DAB2: variants seen among roughly 807,000 people sequenced by gnomAD.
The protein encoded by DAB2 is DAB adaptor protein 2, also known as disabled homolog 2.
A neutral mutation model predicts 71.6 loss-of-function variants in DAB2; 28 were observed. The ratio of observed to expected loss-of-function variants is 0.39; its 90% CI spans 0.29 to 0.54. The LOEUF (loss-of-function observed/expected upper bound fraction) is 0.54. Among genes scored for constraint, DAB2 ranks in the 20% least tolerant of loss-of-function variants. The pLI, the probability that DAB2 is intolerant of heterozygous loss-of-function variation, is 0.68. For missense variants in DAB2, 867 were observed against 928.8 expected (o/e 0.93, Z 0.86); for synonymous variants, 345 against 339.7 (o/e 1.02, Z -0.17).
intron 9 of DAB2, among the ~76,000 whole-genome samples, chr5:39,384,163 C>A (rs1295202265): frequency 6.6e-6 from 1 of 152,210 alleles, no homozygotes; most frequent in Admixed American, 6.5e-5. Flanking sequence ...AGTCAACCAA[C>A]AACTGATCTT....
At chr5:39,397,355 C>A (rs941749348) in intron 1 of DAB2, among the ~76,000 whole-genome samples, 3 of 152,164 alleles carry the variant, frequency 2.0e-5, no homozygotes, top group East Asian at 1.9e-4. Flanking sequence ...CACCATGAGA[C>A]CCCCTCCTGC....
chr5:39,407,502 A>G (rs1189038882), intron 1 of DAB2, among the ~76,000 whole-genome samples: 1 of 152,202 alleles, frequency 6.6e-6, no homozygotes, highest in Non-Finnish European at 1.5e-5. Context: ...TGCCCGGCCC[A>G]CCATGCTAGT....
At chr5:39,424,662 C>CT (rs1579933587) in intron 1 of DAB2, 142 bp downstream of exon 1, 2 of 142,546 alleles carry the variant, frequency 1.4e-5, no homozygotes, top group East Asian at 4.5e-4. Flanking sequence ...GGTCTCATTT[C>CT]TAAGATTCCC....
intron 10 of DAB2, among the ~76,000 whole-genome samples, chr5:39,382,016 T>C (rs932629233): frequency 7.9e-5 from 12 of 152,236 alleles, no homozygotes; most frequent in African/African-American, 2.2e-4. Context: ...ATAGAGATCA[T>C]AGGGTCTTAA....
intron 1 of DAB2, among the ~76,000 whole-genome samples, chr5:39,403,304 T>C (rs1755542013): frequency 6.6e-6 from 1 of 152,176 alleles, no homozygotes; most frequent in East Asian, 1.9e-4. Context: ...AGATCTAGCA[T>C]GAGACTGTAA....
chr5:39,374,772 A>G, intron 14 of DAB2: 2 of 416,512 alleles, frequency 4.8e-6, no homozygotes. Flanking sequence ...AACATGGAAT[A>G]AGATAAAAAT....
chr5:39,417,606 C>G (rs1755878068), intron 1 of DAB2: 1 of 152,232 alleles, frequency 6.6e-6, no homozygotes, highest in East Asian at 1.9e-4. Flanking sequence ...CTCTGTACCA[C>G]TTAACTACAA....
chr5:39,420,866 AG>A (rs1329141863), intron 1 of DAB2, among the ~76,000 whole-genome samples: 1 of 152,150 alleles, frequency 6.6e-6, no homozygotes, highest in East Asian at 1.9e-4. Context: ...GGATGCGGGA[AG>A]GGGAGTAACC....
chr5:39,413,477 A>G (rs1286929644), intron 1 of DAB2, among the ~76,000 whole-genome samples: 1 of 152,218 alleles, frequency 6.6e-6, no homozygotes, highest in African/African-American at 2.4e-5. Flanking sequence ...AATGTATATG[A>G]AGTGGAATGA....
At chr5:39,405,231 A>G (rs994665540) in intron 1 of DAB2, among the ~76,000 whole-genome samples, 10 of 152,190 alleles carry the variant, frequency 6.6e-5, no homozygotes, top group African/African-American at 2.2e-4. Context: ...ATCACGTGGA[A>G]TTTTTGTGAA....
chr5:39,409,665 C>G (rs1470834281), intron 1 of DAB2, among the ~76,000 whole-genome samples: 2 of 152,156 alleles, frequency 1.3e-5, no homozygotes. Flanking sequence ...AGACATCTAT[C>G]TTTGGGATCA....
In DAB2 at chr5:39,390,437, A is replaced by C; in HGVS notation, c.462+7T>G. On this transcript the variant is annotated splice_region_variant and intron_variant, in intron 5 of 14. Coordinates refer to ENST00000320816, the MANE Select transcript of DAB2 (RefSeq NM_001343.4). ...TCCCCAGGTCTATGTCAAGACTTAGAGCTCACCTGTTGCCCGGTTTTTATG... is the reference window on the plus strand; with the variant it reads ...TCCCCAGGTCTATGTCAAGACTTAGCGCTCACCTGTTGCCCGGTTTTTATG... 1 of 1,613,840 alleles carries C rather than the reference A, an allele frequency of 6.2e-7. No homozygotes were observed. Among genetic ancestry groups the C allele is most frequent in the South Asian group, 1.1e-5 (1 of 91,040 alleles).
Position 39,376,984 on chromosome 5 carries a change from A to G in DAB2, c.1803T>C (p.Ala601=), listed in dbSNP as rs748465927. ...GNPFQSNIFP[A]PAVSTQPPSM... ...ATGGGGGCTGAGTGGACACAGCAGG[A>G]GCTGGAAAAATATTGCTCTGAAAAG... The change falls in exon 12 of 15, where the codon GCT becomes GCC. Residue 601 remains alanine, a synonymous_variant. Coordinates refer to ENST00000320816, the MANE Select transcript of DAB2 (RefSeq NM_001343.4). 4 of 1,614,044 alleles carry G rather than the reference A, an allele frequency of 2.5e-6. No homozygotes were observed. The Admixed American group carries it at 5.0e-5, about 20-fold the overall frequency.
At chr5:39,395,279 T>C (rs116075082) in intron 1 of DAB2, among the ~76,000 whole-genome samples, 231 of 152,280 alleles carry the variant, frequency 1.5e-3, no homozygotes, top group African/African-American at 4.7e-3. Flanking sequence ...ACTTTCTACA[T>C]TGACTGATGA....
chr5:39,388,912 C>G, intron 7 of DAB2, 60 bp from the exon 8 acceptor site: 1 of 1,448,372 alleles, frequency 6.9e-7, no homozygotes, highest in African/African-American at 1.4e-5. Flanking sequence ...ATGTATTTGT[C>G]CACTCTATTA....
Position 39,393,238 on chromosome 5 carries a change from T to C in DAB2, c.231+16A>G. ...TTTTGCTTAATATACAGATAAAGCA[T>C]TCATTTCCCTTTTACCTTTAGTTTC... On this transcript the variant is annotated intron_variant, in intron 3 of 14. Transcript: ENST00000320816. 1 of 1,612,910 alleles carries C rather than the reference T, an allele frequency of 6.2e-7. No individual in the cohort carries two copies. Among genetic ancestry groups the C allele is most frequent in the Non-Finnish European group, 8.5e-7 (1 of 1,179,200 alleles).
chr5:39,393,601 A>T (rs1755286998), intron 2 of DAB2, among the ~76,000 whole-genome samples: 1 of 152,162 alleles, frequency 6.6e-6, no homozygotes, highest in African/African-American at 2.4e-5. Context: ...TGGGGAGAAA[A>T]TAAACTGTTA....
intron 1 of DAB2, among the ~76,000 whole-genome samples, chr5:39,399,927 A>G (rs1579916764): frequency 6.6e-6 from 1 of 152,326 alleles, no homozygotes; most frequent in East Asian, 1.9e-4. Flanking sequence ...TGTTGGCATC[A>G]GCAATGGTAC....
At chr5:39,395,645 T>C (rs1437878570) in intron 1 of DAB2, among the ~76,000 whole-genome samples, 3 of 152,208 alleles carry the variant, frequency 2.0e-5, no homozygotes, top group Non-Finnish European at 4.4e-5. Context: ...TTTAAATACA[T>C]ACATTCATGC....
Sources: allele counts gnomAD v4.1 joint callset (sites outside exome capture counted in the v4.1 genomes callset), GRCh38; gene constraint gnomAD v4.1.1; transcripts MANE v1.5; gene names NCBI Gene and HGNC (gene_info 2026-07-23, HGNC 2026-07-21).